Variants in MZF1 observed in about 807,000 individuals in gnomAD.
MZF1 encodes the protein myeloid zinc finger 1, also known as zinc finger and SCAN domain-containing protein 6.
Under a neutral mutation model 28.6 loss-of-function variants are expected in MZF1, and 24 were observed. The observed-to-expected ratio is 0.84, with a 90% CI of 0.61 to 1.18. MZF1 has a LOEUF of 1.18. Ranked by LOEUF, MZF1 falls within the 50% of genes most tolerant of loss-of-function variation. The probability of loss-of-function intolerance (pLI) is 0.00; values close to 1 mark genes in which losing one functional copy is unlikely to be tolerated. For missense variants in MZF1, 1,166 were observed against 1,026.4 expected (o/e 1.14, Z -1.86); for synonymous variants, 516 against 432.5 (o/e 1.19, Z -2.40).
rs753028250 is a variant in MZF1 at position 58,562,844 on chromosome 19, G to A, written c.1433C>T (p.Ala478Val). Residue 478 changes from alanine (A) to valine (V), a missense_variant, in exon 6 of 6, where the codon GCG (alanine) becomes GTG (valine). Transcript: ENST00000215057. ...CGGAAAGGGGCCGGGAGGCTCGGGC[G>A]CACCAGGAGGGGCCGGGGGCTTAGC... ...PGAKPPAPPG[A>V]PEPPGPFPCS... 30 of 1,537,060 alleles carry A rather than the reference G, an allele frequency of 2.0e-5. No individual in the cohort carries two copies. Among genetic ancestry groups the A allele is most frequent in the South Asian group, 1.9e-4 (16 of 84,970 alleles).
chr19:58,566,284 T>TA (rs1214092719), intron 5 of MZF1, among the ~76,000 whole-genome samples: 2 of 149,676 alleles, frequency 1.3e-5, no homozygotes, highest in Non-Finnish European at 3.0e-5. Context: ...CCGTCTCTAC[T>TA]AAAAAAATAC....
chr19:58,570,617 T>A, intron 2 of MZF1, 90 bp from the exon 3 acceptor site: 1 of 1,383,156 alleles, frequency 7.2e-7, no homozygotes, highest in South Asian at 1.4e-5. Context: ...CACTGTAGGA[T>A]CCCAGGGGCC....
chr19:58,570,904 C>G, intron 2 of MZF1, 90 bp downstream of exon 2: 1 of 1,396,068 alleles, frequency 7.2e-7, no homozygotes, highest in Non-Finnish European at 9.8e-7. Context: ...CAAGGGAGAA[C>G]GTGTGTCTGG....
chr19:58,569,877 C>G (rs886265466), intron 3 of MZF1: 3 of 399,088 alleles, frequency 7.5e-6, no homozygotes, highest in Admixed American at 4.2e-5. Context: ...AGGTATTGTA[C>G]AAGGGTCCAC....
Position 58,562,866 on chromosome 19 carries a change from T to A in MZF1, c.1411A>T (p.Lys471Ter). 1.3e-6 allele frequency: 2 copies of A among 1,544,212 alleles called. No homozygotes were observed. Among genetic ancestry groups the A allele is most frequent in the Non-Finnish European group, 1.7e-6 (2 of 1,152,132 alleles). ...IHGDPPGPGA[K>*]PPAPPGAPEP... ...GGCGCACCAGGAGGGGCCGGGGGCT[T>A]AGCGCCAGGGCCCGGGGGATCGCCG... is the stretch of plus-strand genomic sequence containing the variant. The change falls in exon 6 of 6, where the codon AAG becomes TAG. Residue 471 changes from lysine to a stop codon, truncating the protein, a stop_gained. Transcript: ENST00000215057. LOFTEE classifies it low-confidence loss of function (END_TRUNC).
intron 3 of MZF1, chr19:58,569,870 T>C (rs2054125239): frequency 2.3e-6 from 1 of 427,540 alleles, no homozygotes; most frequent in Admixed American, 4.0e-5. Context: ...GGGTCAGAGG[T>C]ATTGTACAAG....
At position 58,562,615 on chromosome 19, in the gene MZF1, G is replaced by A. The variant is rs566950409; in HGVS notation, c.1662C>T (p.Ser554=). 1.9e-6 allele frequency: 3 copies of A among 1,573,404 alleles called. No homozygotes were observed. Among genetic ancestry groups the A allele is most frequent in the South Asian group, 1.1e-5 (1 of 87,412 alleles). The change falls in exon 6 of 6, where the codon TCC becomes TCT. Residue 554 remains serine, a synonymous_variant. Coordinates refer to ENST00000215057, the MANE Select transcript of MZF1 (RefSeq NM_198055.2). ...GGATGCGCCGGTGCTGCGTCAGGTT[G>A]GAGCGCTGCCGGAAGCTCTGGCCGC... ...AECGQSFRQR[S]NLTQHRRIHT...
At chr19:58,571,475 A>T (rs1398410256) in intron 1 of MZF1, 46 bp from the exon 2 acceptor site, 1 of 1,510,590 alleles carries the variant, frequency 6.6e-7, no homozygotes, top group Non-Finnish European at 9.0e-7. Flanking sequence ...AGTACAGTGA[A>T]TGCTTCACTG....
In MZF1 at chr19:58,563,069, T is replaced by C; in HGVS notation, c.1208A>G (p.Gln403Arg). The change falls in exon 6 of 6, where the codon CAG becomes CGG. Residue 403 changes from glutamine (Q) to arginine (R), a missense_variant. By Grantham distance (43) the Gln-to-Arg change is conservative. Transcript: ENST00000215057. The stretch of plus-strand genomic sequence containing the variant: ...CGGCCGCTCCTCGGTGTGCGTAAGC[T>C]GGTGGCGCAGCAGGTGCGAGCTGCG... Reference protein sequence around the residue: ...FSRSSHLLRHQLTHTEERPFV... With the variant: ...FSRSSHLLRHRLTHTEERPFV... 1 of 1,603,378 alleles carries C rather than the reference T, an allele frequency of 6.2e-7. No individual in the cohort carries two copies.
intron 5 of MZF1, among the ~76,000 whole-genome samples, chr19:58,567,379 A>G (rs1199104134): frequency 6.6e-6 from 1 of 152,224 alleles, no homozygotes; most frequent in Admixed American, 6.5e-5. Flanking sequence ...ATGCACTGCC[A>G]TGACTTACTT....
At chr19:58,571,675 A>C in intron 1 of MZF1, 1 of 401,440 alleles carries the variant, frequency 2.5e-6, no homozygotes. Flanking sequence ...CCTGCTCCAA[A>C]CACAGGCTTT....
intron 5 of MZF1, chr19:58,564,293 C>G (rs575306142): frequency 3.9e-5 from 6 of 151,950 alleles, no homozygotes; most frequent in Non-Finnish European, 7.4e-5. Context: ...AGGAAATCAG[C>G]AAAAACCACA....
intron 1 of MZF1, 102 bp from the exon 2 acceptor site, chr19:58,571,531 G>A (rs2054163825): frequency 9.1e-7 from 1 of 1,093,828 alleles, no homozygotes; most frequent in Non-Finnish European, 1.3e-6. Context: ...ACCCCATGTG[G>A]AAGGCAGATG....
rs1373959305 is a variant in MZF1, at chr19:58,562,333, C to T, written c.1944G>A (p.Thr648=). ...CGGGGCAGGCGAAGGGCCGTTCGCC[C>T]GTGTGGATGCGCTGGTGCTCGGTGA... ...SRLTEHQRIH[T]GERPFACPEC... The change falls in exon 6 of 6, where the codon ACG becomes ACA. Residue 648 remains threonine, a synonymous_variant. Transcript: ENST00000215057. The T allele has an allele frequency of 1.3e-6, 2 of 1,591,756 alleles. No homozygotes were observed. The highest frequency in any genetic ancestry group is 1.4e-5 in the African/African-American group (1 of 70,984).
In MZF1 at chr19:58,563,344, C is replaced by T. The variant is rs552672426; in HGVS notation, c.933G>A (p.Leu311=). 2 of 1,608,540 alleles carry T rather than the reference C, an allele frequency of 1.2e-6. No homozygotes were observed. The highest frequency in any genetic ancestry group is 1.7e-6 in the Non-Finnish European group (2 of 1,177,802). Residue 311 remains leucine, a synonymous_variant, in exon 6 of 6, where the codon CTG becomes CTA. Coordinates refer to ENST00000215057, the MANE Select transcript of MZF1 (RefSeq NM_198055.2). ...FAHALLLPSD[L]RSEQDPTDED... is the part of the protein sequence containing the mutation. ...CGTCCGTGGGGTCCTGTTCACTCCT[C>T]AGATCGCTGGGGAGCAGAAGCGCAT...
At chr19:58,569,052 T>C in intron 5 of MZF1, 4 of 486,176 alleles carry the variant, frequency 8.2e-6, no homozygotes, top group Middle Eastern at 5.5e-4. Flanking sequence ...GTGGGGAGTT[T>C]CTAGAAAGTA....
intron 5 of MZF1, among the ~76,000 whole-genome samples, chr19:58,567,817 G>GC (rs2054085995): frequency 6.6e-6 from 1 of 151,604 alleles, no homozygotes. Flanking sequence ...AGAACACACT[G>GC]TTTTTTTTTA....
Position 58,569,141 on chromosome 19 carries a change from G to A in MZF1, c.772+136C>T. The A allele has an allele frequency of 1.1e-5, 13 of 1,228,146 alleles. No individual in the cohort carries two copies. In the South Asian group the frequency reaches 1.9e-4, roughly 18 times the overall value. 76.1% of individuals were successfully genotyped at this position (1,228,146 alleles called of 1,614,324 possible). On this transcript the variant is annotated intron_variant, in intron 5 of 5. Coordinates refer to ENST00000215057, the MANE Select transcript of MZF1 (RefSeq NM_198055.2). Reference sequence around the variant, plus strand: ...ATGCTAGAGGAGGTTGAACCTTATAGGGGATGATCTAGGGAATGGGGGAAC... The same window carrying A: ...ATGCTAGAGGAGGTTGAACCTTATAAGGGATGATCTAGGGAATGGGGGAAC...
chr19:58,568,935 T>A (rs1396387996), intron 5 of MZF1: 1 of 229,344 alleles, frequency 4.4e-6, no homozygotes, highest in Non-Finnish European at 8.7e-6. Context: ...CCTGTCCTGA[T>A]GCCTGACCAG....
Sources: allele counts gnomAD v4.1 joint callset (sites outside exome capture counted in the v4.1 genomes callset), GRCh38; gene constraint gnomAD v4.1.1; transcripts MANE v1.5; gene names NCBI Gene and HGNC (gene_info 2026-07-23, HGNC 2026-07-21).